ZFHX4: variants seen among roughly 807,000 people sequenced by gnomAD.
The protein encoded by ZFHX4 is zinc finger homeobox protein 4.
A neutral mutation model predicts 267.6 loss-of-function variants in ZFHX4; 56 were observed. That is an observed-to-expected ratio of 0.21 (90% CI 0.17 to 0.26). ZFHX4 has a LOEUF of 0.26. Among genes scored for constraint, ZFHX4 ranks in the 10% least tolerant of loss-of-function variants. The pLI is 1.00. For synonymous variants in ZFHX4, 1,778 were observed against 1,665.6 expected (o/e 1.07, Z -1.64); for missense variants, 4,332 against 4,420.0 (o/e 0.98, Z 0.56).
chr8:76,843,419 G>T (rs1316645472), intron 6 of ZFHX4, among the ~76,000 whole-genome samples: 1 of 152,138 alleles, frequency 6.6e-6, no homozygotes, highest in Admixed American at 6.6e-5. Flanking sequence ...AGTAATGAAA[G>T]CTACTGTCTT....
chr8:76,850,274 C>G lies in ZFHX4; in HGVS notation c.3876C>G (p.Asn1292Lys). 1.2e-6 allele frequency: 2 copies of G among 1,613,110 alleles called. No homozygotes were observed. Among genetic ancestry groups the G allele is most frequent in the Non-Finnish European group, 1.7e-6 (2 of 1,179,630 alleles). Residue 1292 changes from asparagine to lysine, a missense_variant, in exon 9 of 11, where the codon AAC becomes AAG. By Grantham distance (94) the Asn-to-Lys change is moderately conservative. Transcript: ENST00000651372. ...TVPVPDVMMPNSMLLPAAASE... is the reference protein window; with the variant it reads ...TVPVPDVMMPKSMLLPAAASE... ...CTGTCCCTGATGTGATGATGCCAAA[C>G]AGTATGCTACTGCCAGCAGCTGCCT...
chr8:76,780,057 TA>T (rs60592064), intron 4 of ZFHX4, among the ~76,000 whole-genome samples: 24 of 147,554 alleles, frequency 1.6e-4, no homozygotes, highest in South Asian at 6.5e-4. Context: ...AAAGTAAAAT[TA>T]AAAAAAAAAA....
In ZFHX4 at chr8:76,855,950, C is replaced by G; in HGVS notation, c.9029C>G (p.Thr3010Ser). The G allele has an allele frequency of 1.2e-6, 2 of 1,613,900 alleles. No individual in the cohort carries two copies. Among genetic ancestry groups the G allele is most frequent in the Non-Finnish European group, 8.5e-7 (1 of 1,179,858 alleles). Residue 3010 changes from threonine (T) to serine (S), a missense_variant, in exon 10 of 11, where the codon ACC (threonine) becomes AGC (serine). Thr to Ser is a moderately conservative substitution (Grantham distance 58). Around this residue, in one of 7 missense-constraint regions of ZFHX4, gnomAD observed 1,648 missense variants for 1,625.0 expected, o/e 1.01. Coordinates refer to ENST00000651372, the MANE Select transcript of ZFHX4 (RefSeq NM_024721.5). ...GGTEGTKPEC[T>S]LCGVKYSARL... ...ACGGAAGGCACCAAACCAGAGTGTA[C>G]CCTCTGCGGGGTGAAGTACTCTGCC...
At chr8:76,782,065 G>A (rs998005998) in intron 4 of ZFHX4, 16 of 366,152 alleles carry the variant, frequency 4.4e-5, no homozygotes, top group Middle Eastern at 4.1e-4. Context: ...ATATGTAAAT[G>A]GTAGCCAAAG....
At chr8:76,788,715 G>T (rs182050031) in intron 4 of ZFHX4, among the ~76,000 whole-genome samples, 41 of 152,254 alleles carry the variant, frequency 2.7e-4, no homozygotes, top group African/African-American at 8.9e-4. Context: ...TACATTATGA[G>T]ATCTATACAA....
At position 76,681,459 on chromosome 8, in the gene ZFHX4, G is replaced by T. The variant is rs1438142811; in HGVS notation, c.-208G>T. The T allele has an allele frequency of 2.5e-6, 1 of 397,200 alleles. No homozygotes were observed. Among genetic ancestry groups the T allele is most frequent in the Non-Finnish European group, 4.4e-6 (1 of 225,770 alleles). 24.6% of individuals were successfully genotyped at this position (397,200 alleles called of 1,614,324 possible). Reference sequence around the variant, plus strand: ...TCCATGCCCCCCACTTTCTGCTCCAGCGTTTTTATTTTCACCCAATAAAGT... The same window carrying T: ...TCCATGCCCCCCACTTTCTGCTCCATCGTTTTTATTTTCACCCAATAAAGT... On this transcript the variant is annotated 5_prime_UTR_variant, in exon 1 of 11. Transcript: ENST00000651372.
chr8:76,820,071 ATTCT>A (rs1417189990), intron 4 of ZFHX4, among the ~76,000 whole-genome samples: 7 of 152,290 alleles, frequency 4.6e-5, no homozygotes, highest in Admixed American at 3.9e-4. Flanking sequence ...TACTTTTGCT[ATTCT>A]TTCTATGTCC....
At chr8:76,735,018 A>G (rs976502610) in intron 3 of ZFHX4, among the ~76,000 whole-genome samples, 22 of 152,170 alleles carry the variant, frequency 1.4e-4, no homozygotes, top group African/African-American at 5.3e-4. Flanking sequence ...ATAGATTTCT[A>G]GAGGAACCAA....
chr8:76,758,081 G>A (rs1373701488), intron 3 of ZFHX4, among the ~76,000 whole-genome samples: 1 of 152,156 alleles, frequency 6.6e-6, no homozygotes, highest in Non-Finnish European at 1.5e-5. Context: ...ACTGTCTTAA[G>A]TCCTGAGGAT....
rs1207182165 is a variant in ZFHX4, at chr8:76,864,425, G to T, written c.10711G>T (p.Glu3571Ter). ...AGGGGTTCAAACCTCACTACCCACA[G>T]AAAGTTGTTCAGATGAGTCTGACAG... is the stretch of plus-strand genomic sequence containing the variant. ...TSGVQTSLPT[E>*]SCSDESDSEL... The change falls in exon 11 of 11, where the codon GAA becomes TAA. Residue 3571 changes from glutamate to a stop codon, truncating the protein, a stop_gained. Coordinates refer to ENST00000651372, the MANE Select transcript of ZFHX4 (RefSeq NM_024721.5). LOFTEE classifies it high-confidence loss of function. 6.2e-7 allele frequency: 1 copy of T among 1,613,578 alleles called. No individual in the cohort carries two copies. Among genetic ancestry groups the T allele is most frequent in the Admixed American group, 1.7e-5 (1 of 59,952 alleles).
chr8:76,850,374 T>C lies in ZFHX4; in HGVS notation c.3964+12T>C. ...TGGGAAATATTCAGGTATGCCATCTTATCATCAAGACTTGTGAACAATACG... is the reference window on the plus strand; with the variant it reads ...TGGGAAATATTCAGGTATGCCATCTCATCATCAAGACTTGTGAACAATACG... On this transcript the variant is annotated intron_variant, in intron 9 of 10. Transcript: ENST00000651372. The C allele has an allele frequency of 6.3e-7, 1 of 1,594,540 alleles. No individual in the cohort carries two copies. The highest frequency in any genetic ancestry group is 8.6e-7 in the Non-Finnish European group (1 of 1,167,200).
At chr8:76,710,551 G>T (rs1177912251) in intron 3 of ZFHX4, among the ~76,000 whole-genome samples, 2 of 152,284 alleles carry the variant, frequency 1.3e-5, no homozygotes, top group Middle Eastern at 3.4e-3. Flanking sequence ...AGAGTTAGTG[G>T]CTAGACAGTA....
intron 1 of ZFHX4, among the ~76,000 whole-genome samples, chr8:76,682,265 C>T (rs1228187010): frequency 6.6e-6 from 1 of 152,184 alleles, no homozygotes; most frequent in African/African-American, 2.4e-5. Flanking sequence ...TATTCAGCCT[C>T]GTTTTTCTTC....
Position 76,851,266 on chromosome 8 carries a change from C to G in ZFHX4, c.4345C>G (p.Pro1449Ala), listed in dbSNP as rs780466697. 1.2e-5 allele frequency: 20 copies of G among 1,613,664 alleles called. No individual in the cohort carries two copies. The highest frequency in any genetic ancestry group is 1.6e-5 in the Non-Finnish European group (19 of 1,179,814). Residue 1449 changes from proline (P) to alanine (A), a missense_variant, in exon 10 of 11, where the codon CCT becomes GCT. By Grantham distance (27) the Pro-to-Ala change is conservative. This residue lies in a region of ZFHX4 where 1,371 missense variants were observed against 1,423.1 expected (regional missense o/e 0.96). Transcript: ENST00000651372. ...ALKKHLEAGH[P>A]ELSEAELQQL... ...AAAAAAACACTTGGAAGCAGGCCACCCTGAACTGAGTGAAGCTGAACTTCA... is the reference window on the plus strand; with the variant it reads ...AAAAAAACACTTGGAAGCAGGCCACGCTGAACTGAGTGAAGCTGAACTTCA...
chr8:76,793,587 T>C (rs182316547), intron 4 of ZFHX4, among the ~76,000 whole-genome samples: 133 of 152,326 alleles, frequency 8.7e-4, no homozygotes, highest in Non-Finnish European at 1.1e-3. Flanking sequence ...GTATATTGGC[T>C]ACTATAAAAA....
At chr8:76,700,933 G>C (rs1008042783) in intron 1 of ZFHX4, among the ~76,000 whole-genome samples, 1 of 152,130 alleles carries the variant, frequency 6.6e-6, no homozygotes, top group African/African-American at 2.4e-5. Context: ...TTGTTATGCA[G>C]TCATTTTGGA....
At chr8:76,795,045 AT>A (rs1281929147) in intron 4 of ZFHX4, among the ~76,000 whole-genome samples, 1 of 152,114 alleles carries the variant, frequency 6.6e-6, no homozygotes, top group Non-Finnish European at 1.5e-5. Flanking sequence ...GAGAATTCAT[AT>A]AAGCAGCCTT....
chr8:76,837,437 C>A (rs1262954151), intron 5 of ZFHX4, among the ~76,000 whole-genome samples: 1 of 150,210 alleles, frequency 6.7e-6, no homozygotes, highest in Non-Finnish European at 1.5e-5. Flanking sequence ...GAACAGAAAC[C>A]AGACTGGAGA....
chr8:76,712,772 T>G (rs919493574), intron 3 of ZFHX4, among the ~76,000 whole-genome samples: 8 of 152,218 alleles, frequency 5.3e-5, no homozygotes, highest in Non-Finnish European at 4.4e-5. Flanking sequence ...ATCTTTGCAC[T>G]TTTGTATTAG....
Sources: allele counts gnomAD v4.1 joint callset (sites outside exome capture counted in the v4.1 genomes callset), GRCh38; gene constraint gnomAD v4.1.1; regional missense constraint gnomAD v4.1.1; transcripts MANE v1.5; gene names NCBI Gene and HGNC (gene_info 2026-07-23, HGNC 2026-07-21).